RGS21: variants seen among roughly 807,000 people sequenced by gnomAD.
The protein encoded by RGS21 is regulator of G protein signaling 21.
A neutral mutation model predicts 18.7 loss-of-function variants in RGS21; 19 were observed. That is an observed-to-expected ratio of 1.01 (90% confidence interval 0.71 to 1.49). The LOEUF (loss-of-function observed/expected upper bound fraction) is 1.49, where lower values mean the gene tolerates loss of function less well. Ranked by LOEUF, RGS21 falls within the 40% of genes most tolerant of loss-of-function variation. The pLI, the probability that RGS21 is intolerant of heterozygous loss-of-function variation, is 0.00. For synonymous variants in RGS21, 56 were observed against 57.8 expected, an observed-to-expected ratio of 0.97 and a Z score of 0.14; for missense variants, 194 against 176.8, an observed-to-expected ratio of 1.10 and a Z score of -0.55.
chr1:192,319,041 G>A (rs1181321500), intron 1 of RGS21, among the ~76,000 whole-genome samples: 2 of 151,942 alleles, frequency 1.3e-5, no homozygotes, highest in African/African-American at 4.8e-5. Flanking sequence ...ACCAGTCCGG[G>A]AAAATTAGCA....
chr1:192,339,412 C>A (rs191106969), intron 1 of RGS21, among the ~76,000 whole-genome samples: 137 of 152,056 alleles, frequency 9.0e-4, no homozygotes, highest in Non-Finnish European at 1.9e-4. Context: ...TCTATATTGT[C>A]TTTGAATATG....
intron 1 of RGS21, among the ~76,000 whole-genome samples, chr1:192,336,789 A>G (rs1490192082): frequency 1.3e-5 from 2 of 152,132 alleles, no homozygotes; most frequent in Non-Finnish European, 2.9e-5. Flanking sequence ...AAAAAAAATG[A>G]TATGAAAGCA....
intron 1 of RGS21, among the ~76,000 whole-genome samples, chr1:192,332,637 T>C (rs1658674846): frequency 6.6e-6 from 1 of 152,158 alleles, no homozygotes; most frequent in South Asian, 2.1e-4. Flanking sequence ...CTTTGTTCTG[T>C]GAAAAAGCCT....
intron 1 of RGS21, among the ~76,000 whole-genome samples, chr1:192,341,342 G>T (rs190796426): frequency 2.6e-4 from 39 of 152,156 alleles, no homozygotes; most frequent in African/African-American, 9.4e-4. Flanking sequence ...AGGGAGGGTT[G>T]TATACTTAGC....
intron 4 of RGS21, among the ~76,000 whole-genome samples, chr1:192,354,899 T>C (rs977757593): frequency 1.9e-4 from 29 of 151,750 alleles, no homozygotes; most frequent in African/African-American, 6.8e-4. Flanking sequence ...AATTAAACTA[T>C]ATGAAACTTA....
At chr1:192,364,271 C>T (rs1274981813) in intron 4 of RGS21, among the ~76,000 whole-genome samples, 2 of 151,932 alleles carry the variant, frequency 1.3e-5, no homozygotes, top group South Asian at 4.1e-4. Flanking sequence ...ATGAGGGACT[C>T]AAGAAGGTAA....
At position 192,367,208 on chromosome 1, in the gene RGS21, T is replaced by C. The variant is rs975507213; in HGVS notation, c.*1084T>C. ...AAAAATAGCATGGCTTATTTTATGT[T>C]TTCACAAACTACTCATTTGATAGAC... On this transcript the variant is annotated 3_prime_UTR_variant, in exon 5 of 5. Transcript: ENST00000417209. 7.6e-6 allele frequency: 1 copy of C among 130,918 alleles called. No homozygotes were observed. The highest frequency in any genetic ancestry group is 2.5e-4 in the South Asian group (1 of 3,966). 8.1% of individuals were successfully genotyped at this position (130,918 alleles called of 1,614,324 possible). A position where few individuals can be genotyped will look rare whatever the true frequency, so the allele number is the denominator to read the frequency against.
In RGS21 at chr1:192,361,638, T is replaced by C. The variant is rs544088079; in HGVS notation, c.256-4283T>C. ...ACGGCTGACTGCAACCTCCAACTCCTGGGTTCAAGCAATTCTCCTGCCTCA... is the reference window on the plus strand; with the variant it reads ...ACGGCTGACTGCAACCTCCAACTCCCGGGTTCAAGCAATTCTCCTGCCTCA... On this transcript the variant is annotated intron_variant, in intron 4 of 4. Coordinates refer to ENST00000417209, the MANE Select transcript of RGS21 (RefSeq NM_001039152.3). Among the ~76,000 whole-genome samples, 24 of 152,188 alleles carry C rather than the reference T, an allele frequency of 1.6e-4. No individual in the cohort carries two copies. In the South Asian group the frequency reaches 4.8e-3, roughly 30 times the overall value.
intron 3 of RGS21, among the ~76,000 whole-genome samples, chr1:192,347,633 G>A (rs1469662794): frequency 6.6e-6 from 1 of 151,976 alleles, no homozygotes; most frequent in African/African-American, 2.4e-5. Flanking sequence ...ATTTTCCATT[G>A]CCTTAGACTC....
At chr1:192,358,922 A>C (rs868766476) in intron 4 of RGS21, among the ~76,000 whole-genome samples, 2 of 152,218 alleles carry the variant, frequency 1.3e-5, no homozygotes, top group African/African-American at 4.8e-5. Flanking sequence ...ATTGTTTTAC[A>C]CAACTACCTG....
chr1:192,330,875 T>C (rs1002695751), intron 1 of RGS21, among the ~76,000 whole-genome samples: 2 of 152,164 alleles, frequency 1.3e-5, no homozygotes, highest in African/African-American at 2.4e-5. Flanking sequence ...TGATAGACAA[T>C]TGAAAATGAA....
At chr1:192,354,113 T>C (rs1659080923) in intron 4 of RGS21, among the ~76,000 whole-genome samples, 1 of 151,740 alleles carries the variant, frequency 6.6e-6, no homozygotes, top group Admixed American at 6.6e-5. Context: ...AGTTCATCAG[T>C]TATGTGTTAT....
chr1:192,330,634 C>T (rs956261846), intron 1 of RGS21, among the ~76,000 whole-genome samples: 2 of 152,116 alleles, frequency 1.3e-5, no homozygotes, highest in Admixed American at 6.6e-5. Flanking sequence ...GGAAGGAGAA[C>T]AATCTGGAGA....
chr1:192,355,911 G>A (rs1272169200), intron 4 of RGS21, among the ~76,000 whole-genome samples: 1 of 151,370 alleles, frequency 6.6e-6, no homozygotes, highest in Non-Finnish European at 1.5e-5. Flanking sequence ...AATGTTGATT[G>A]TCATTCTATG....
intron 1 of RGS21, among the ~76,000 whole-genome samples, chr1:192,327,789 C>G (rs995152511): frequency 9.9e-5 from 15 of 151,990 alleles, no homozygotes; most frequent in African/African-American, 3.1e-4. Flanking sequence ...AACAGTCTTA[C>G]AAGAATTTGC....
chr1:192,329,758 GA>G (rs1658619068), intron 1 of RGS21, among the ~76,000 whole-genome samples: 1 of 113,328 alleles, frequency 8.8e-6, no homozygotes, highest in Admixed American at 7.8e-5. Flanking sequence ...CATAGGCAGG[GA>G]AAAGTAAAAA....
At position 192,351,682 on chromosome 1, in the gene RGS21, ATATATATGC is replaced by A. The variant is rs550054712; in HGVS notation, c.89-348_89-340del. On this transcript the variant is annotated intron_variant, in intron 3 of 4. Coordinates refer to ENST00000417209, the MANE Select transcript of RGS21 (RefSeq NM_001039152.3). ...ATATATAACATATATAACACATATAATATATATGCTATATATGCTATATATAGCATATAT... is the reference window on the plus strand; with the variant it reads ...ATATATAACATATATAACACATATAATATATATGCTATATATAGCATATAT... Among the ~76,000 whole-genome samples, 439 of 147,998 alleles carry A rather than the reference ATATATATGC, an allele frequency of 3.0e-3. 2 individuals are homozygous for A. Among genetic ancestry groups the A allele is most frequent in the African/African-American group, 9.6e-3 (392 of 40,888 alleles).
At chr1:192,328,305 A>T (rs1240798511) in intron 1 of RGS21, among the ~76,000 whole-genome samples, 1 of 152,240 alleles carries the variant, frequency 6.6e-6, no homozygotes, top group Admixed American at 6.5e-5. Context: ...TTTACAGGAT[A>T]GGAGGTATAA....
rs1057011089 is a variant in RGS21, at chr1:192,366,949, C to G, written c.*825C>G. ...GAAGTATCTATTCACTCCTTCAGCA[C>G]TGATACTTGTTTATAAAACCCAAAC... On this transcript the variant is annotated 3_prime_UTR_variant, in exon 5 of 5. Coordinates refer to ENST00000417209, the MANE Select transcript of RGS21 (RefSeq NM_001039152.3). 1 of 152,040 alleles carries G rather than the reference C, an allele frequency of 6.6e-6. No homozygotes were observed. Among genetic ancestry groups the G allele is most frequent in the African/African-American group, 2.4e-5 (1 of 41,440 alleles). The allele number at this position is 152,040 out of a possible 1,614,324, so 9.4% of individuals were successfully genotyped here.
Sources: allele counts gnomAD v4.1 joint callset (sites outside exome capture counted in the v4.1 genomes callset), GRCh38; gene constraint gnomAD v4.1.1; transcripts MANE v1.5; gene names NCBI Gene and HGNC (gene_info 2026-07-23, HGNC 2026-07-21).